LRCH2: variants seen among roughly 807,000 people sequenced by gnomAD.
LRCH2 encodes the protein leucine rich repeats and calponin homology domain containing 2, also known as leucine-rich repeat and calponin homology domain-containing protein 2.
LRCH2 carries 38 observed loss-of-function variants against 68.9 expected under a neutral mutation model. The ratio of observed to expected loss-of-function variants is 0.55; its 90% CI spans 0.43 to 0.72. The LOEUF (loss-of-function observed/expected upper bound fraction) is 0.72, where lower values mean the gene tolerates loss of function less well. LRCH2 is among the 30% of genes least tolerant of loss of function. LRCH2 has a pLI of 0.00. For synonymous variants in LRCH2, 191 were observed against 208.1 expected, an observed-to-expected ratio of 0.92 and a Z score of 0.71; for missense variants, 528 against 572.9, an observed-to-expected ratio of 0.92 and a Z score of 0.80.
intron 14 of LRCH2, among the ~76,000 whole-genome samples, chrX:115,142,787 C>A (rs1213365752): frequency 9.0e-6 from 1 of 111,143 alleles, no homozygotes; most frequent in African/African-American, 3.3e-5. Flanking sequence ...AAGAGCAAAC[C>A]AAATCCAAAG....
chrX:115,140,605 C>T (rs2072328366), intron 14 of LRCH2, among the ~76,000 whole-genome samples: 1 of 110,677 alleles, frequency 9.0e-6, no homozygotes, highest in Non-Finnish European at 1.9e-5. Context: ...GGACCTGCCC[C>T]AAGCCAGAAT....
chrX:115,136,019 G>T (rs2147357783), intron 14 of LRCH2, among the ~76,000 whole-genome samples: 1 of 112,192 alleles, frequency 8.9e-6, no homozygotes, highest in African/African-American at 3.2e-5. Flanking sequence ...ATATATTCAT[G>T]TGACTTGCTT....
chrX:115,190,388 T>C (rs1367168923), intron 1 of LRCH2: 3 of 1,161,374 alleles, frequency 2.6e-6, no homozygotes, highest in South Asian at 3.9e-5. Flanking sequence ...GCTGCCCCTG[T>C]GTGGGGGACA....
At chrX:115,189,141 A>G (rs1283283779) in intron 1 of LRCH2, among the ~76,000 whole-genome samples, 1 of 111,830 alleles carries the variant, frequency 8.9e-6, no homozygotes, top group African/African-American at 3.3e-5. Context: ...AACAACCACC[A>G]TATCAATAAC....
chrX:115,125,592 T>TAC (rs1183725563), intron 16 of LRCH2, among the ~76,000 whole-genome samples: 1 of 22,897 alleles, frequency 4.4e-5, no homozygotes, highest in Non-Finnish European at 6.7e-5. Context: ...CATATATATA[T>TAC]ACACATATAT....
At chrX:115,125,476 T>C (rs1308312593) in intron 16 of LRCH2, among the ~76,000 whole-genome samples, 46 of 167 alleles carry the variant, frequency 0.28, 1 homozygote, top group Non-Finnish European at 0.31. Flanking sequence ...TATATATATA[T>C]ATATATATAT....
intron 5 of LRCH2, among the ~76,000 whole-genome samples, chrX:115,172,752 A>T (rs868914682): frequency 1.1e-3 from 94 of 82,588 alleles, no homozygotes; most frequent in Middle Eastern, 7.7e-3. Flanking sequence ...CTTACTTTCT[A>T]TTTTTTTTTT....
intron 12 of LRCH2, among the ~76,000 whole-genome samples, chrX:115,152,771 A>G (rs1278013364): frequency 9.0e-6 from 1 of 111,401 alleles, no homozygotes; most frequent in African/African-American, 3.3e-5. Context: ...AATGAACTCC[A>G]AACAAAAGTA....
chrX:115,185,344 C>T (rs782680298), intron 2 of LRCH2, among the ~76,000 whole-genome samples: 27 of 111,642 alleles, frequency 2.4e-4, no homozygotes, highest in Non-Finnish European at 3.9e-4. Context: ...CTCAAAGTCA[C>T]ACAGCTGTTA....
rs180741051 is a variant in LRCH2, at chrX:115,117,988, A to C, written c.2178+4539T>G. Among the ~76,000 whole-genome samples, 629 of 110,908 alleles carry C rather than the reference A, an allele frequency of 5.7e-3. 3 individuals are homozygous for C. The highest frequency in any genetic ancestry group is 8.5e-3 in the Non-Finnish European group (451 of 52,851). ...AAACATCCTAAAACAAAGAAAATTA[A>C]TTTAAAAATTATTATATATTACCAA... On this transcript the variant is annotated intron_variant, in intron 20 of 20. Transcript: ENST00000317135.
At chrX:115,211,928 T>C in intron 1 of LRCH2, among the ~76,000 whole-genome samples, 1 of 112,380 alleles carries the variant, frequency 8.9e-6, no homozygotes, top group Non-Finnish European at 1.9e-5. Context: ...TCTTGGCCCC[T>C]TAAAGAGATG....
chrX:115,188,508 A>C, intron 1 of LRCH2, 138 bp from the exon 2 acceptor site: 1 of 423,164 alleles, frequency 2.4e-6, no homozygotes, highest in Non-Finnish European at 3.7e-6. Flanking sequence ...ATCCATCAAT[A>C]CCTTGAAGGC....
chrX:115,182,599 C>T (rs1300487349), intron 3 of LRCH2, among the ~76,000 whole-genome samples: 2 of 108,601 alleles, frequency 1.8e-5, no homozygotes, highest in Admixed American at 2.0e-4. Flanking sequence ...TTTGGGAGAC[C>T]GAGGCAGGTG....
intron 1 of LRCH2, among the ~76,000 whole-genome samples, chrX:115,221,032 C>G (rs2073075286): frequency 9.4e-6 from 1 of 106,375 alleles, no homozygotes; most frequent in Non-Finnish European, 1.9e-5. Flanking sequence ...AAAAAATTAG[C>G]TGGGCGTGGT....
intron 1 of LRCH2, among the ~76,000 whole-genome samples, chrX:115,232,740 GAAATA>G (rs1232446678): frequency 9.0e-6 from 1 of 110,827 alleles, no homozygotes; most frequent in African/African-American, 3.3e-5. Flanking sequence ...GATGAAAACA[GAAATA>G]AATAACAAAT....
intron 16 of LRCH2, chrX:115,126,297 G>T (rs2072199816): frequency 9.0e-6 from 1 of 111,412 alleles, no homozygotes; most frequent in Admixed American, 9.6e-5. Flanking sequence ...CTAACTTTCT[G>T]ATACCCATTC....
At chrX:115,194,953 C>G (rs185030770) in intron 1 of LRCH2, among the ~76,000 whole-genome samples, 1 of 111,142 alleles carries the variant, frequency 9.0e-6, no homozygotes, top group Admixed American at 9.6e-5. Flanking sequence ...ACAGATGAAT[C>G]TTGATCTCCT....
intron 14 of LRCH2, among the ~76,000 whole-genome samples, chrX:115,132,652 C>T (rs2072256465): frequency 1.8e-5 from 2 of 111,910 alleles, no homozygotes; most frequent in South Asian, 7.4e-4. Flanking sequence ...ACTAATCTAG[C>T]AGCATGTTCT....
At chrX:115,210,247 G>GA (rs1429632960) in intron 1 of LRCH2, among the ~76,000 whole-genome samples, 3 of 111,359 alleles carry the variant, frequency 2.7e-5, no homozygotes, top group East Asian at 2.9e-4. Flanking sequence ...GGCCTAGGAT[G>GA]AAAAAATGGT....
Sources: gnomAD v4.1 joint callset for allele counts (sites outside exome capture counted in the v4.1 genomes callset) on GRCh38, gnomAD v4.1.1 for gene constraint, MANE v1.5 for transcripts, NCBI Gene and HGNC (gene_info 2026-07-23, HGNC 2026-07-21) for gene names.